The following FGF14 variants were observed in gnomAD, a reference collection of about 807,000 sequenced individuals.
The protein encoded by FGF14 is fibroblast growth factor 14.
In FGF14, 5 loss-of-function variants were observed where a neutral mutation model predicts 25.5. The ratio of observed to expected loss-of-function variants is 0.20; its 90% CI spans 0.10 to 0.41. The LOEUF is 0.41. FGF14 is among the 10% of genes least tolerant of loss of function. The pLI, the probability that FGF14 is intolerant of heterozygous loss-of-function variation, is 1.00. For missense variants in FGF14, 222 were observed against 320.1 expected, an observed-to-expected ratio of 0.69 and a Z score of 2.34; for synonymous variants, 138 against 118.3, an observed-to-expected ratio of 1.17 and a Z score of -1.08.
At chr13:102,296,520 A>C (rs2054721744) in intron 1 of FGF14, among the ~76,000 whole-genome samples, 1 of 152,178 alleles carries the variant, frequency 6.6e-6, no homozygotes, top group East Asian at 1.9e-4. Context: ...TGCTAAGTGC[A>C]CTTAAGAGTA....
At chr13:101,834,929 T>C (rs2042849484) in intron 3 of FGF14, among the ~76,000 whole-genome samples, 1 of 152,104 alleles carries the variant, frequency 6.6e-6, no homozygotes, top group African/African-American at 2.4e-5. Flanking sequence ...ATATTACTTA[T>C]ATTTACAGGC....
At chr13:102,121,253 T>C (rs1353266701) in intron 1 of FGF14, among the ~76,000 whole-genome samples, 1 of 152,088 alleles carries the variant, frequency 6.6e-6, no homozygotes, top group Non-Finnish European at 1.5e-5. Flanking sequence ...GTCAGGAATC[T>C]TACTGTGGGG....
At chr13:101,768,810 A>G (rs567820527) in intron 3 of FGF14, among the ~76,000 whole-genome samples, 1 of 152,304 alleles carries the variant, frequency 6.6e-6, no homozygotes, top group Non-Finnish European at 1.5e-5. Context: ...CCTTCATAAC[A>G]TTAACTTAAA....
intron 1 of FGF14, among the ~76,000 whole-genome samples, chr13:102,276,331 ACG>A (rs2053540293): frequency 3.2e-5 from 2 of 63,468 alleles, no homozygotes; most frequent in African/African-American, 1.5e-4. Context: ...ACACACACGT[ACG>A]TGTGTGTGTG....
intron 1 of FGF14, among the ~76,000 whole-genome samples, chr13:102,052,278 T>G (rs1195331719): frequency 6.6e-6 from 1 of 152,084 alleles, no homozygotes; most frequent in Non-Finnish European, 1.5e-5. Context: ...AGAGCAAATG[T>G]TTGAGTCCTG....
intron 3 of FGF14, among the ~76,000 whole-genome samples, chr13:101,780,197 C>A (rs1051689324): frequency 6.6e-6 from 1 of 152,104 alleles, no homozygotes; most frequent in Non-Finnish European, 1.5e-5. Context: ...AGGTTCCCCA[C>A]TTGTTGGATT....
intron 1 of FGF14, among the ~76,000 whole-genome samples, chr13:102,037,766 C>G (rs1451816543): frequency 6.6e-6 from 1 of 152,128 alleles, no homozygotes; most frequent in Non-Finnish European, 1.5e-5. Flanking sequence ...CGTTGCAGAC[C>G]AGTATCCAAG....
At chr13:101,760,779 C>A (rs1056876400) in intron 3 of FGF14, among the ~76,000 whole-genome samples, 1 of 152,176 alleles carries the variant, frequency 6.6e-6, no homozygotes, top group Non-Finnish European at 1.5e-5. Flanking sequence ...TTTTCTCTTC[C>A]CAATACCCAC....
At chr13:101,793,973 C>T (rs1490055506) in intron 3 of FGF14, among the ~76,000 whole-genome samples, 1 of 151,910 alleles carries the variant, frequency 6.6e-6, no homozygotes. Context: ...AGGTAAATAC[C>T]TTCAGGGAGA....
intron 1 of FGF14, among the ~76,000 whole-genome samples, chr13:101,944,351 A>G (rs1252617412): frequency 6.6e-6 from 1 of 152,072 alleles, no homozygotes; most frequent in Non-Finnish European, 1.5e-5. Flanking sequence ...AAGTATTTAC[A>G]TATTATTTTT....
At chr13:101,936,369 A>G (rs866949090) in intron 1 of FGF14, among the ~76,000 whole-genome samples, 2 of 152,316 alleles carry the variant, frequency 1.3e-5, no homozygotes, top group Middle Eastern at 3.4e-3. Flanking sequence ...CAGGTGCCCT[A>G]AAGTCCATAC....
intron 1 of FGF14, chr13:102,366,618 C>CAAAAAAA (rs57953786): frequency 8.5e-5 from 4 of 46,784 alleles, no homozygotes; most frequent in African/African-American, 2.1e-4. Context: ...ATTCTCCTTG[C>CAAAAAAA]AAAAAAAAAA....
intron 1 of FGF14, among the ~76,000 whole-genome samples, chr13:102,216,843 ATTCTATT>A (rs999728652): frequency 5.9e-5 from 9 of 152,092 alleles, no homozygotes; most frequent in Non-Finnish European, 1.2e-4. Context: ...AGCAATCACA[ATTCTATT>A]TTCTAAGTCA....
chr13:101,918,608 G>C (rs527237578), upstream of FGF14, among the ~76,000 whole-genome samples: 1 of 152,178 alleles, frequency 6.6e-6, no homozygotes, highest in Non-Finnish European at 1.5e-5. Flanking sequence ...AGGCAACTGG[G>C]GGGAAGTGCA....
intron 1 of FGF14, among the ~76,000 whole-genome samples, chr13:101,909,856 T>C (rs1175233024): frequency 6.6e-6 from 1 of 152,092 alleles, no homozygotes; most frequent in Admixed American, 6.6e-5. Flanking sequence ...TGTCCAACAA[T>C]GATAGACTGG....
chr13:102,385,699 T>C (rs2058285761), intron 1 of FGF14, among the ~76,000 whole-genome samples: 1 of 152,148 alleles, frequency 6.6e-6, no homozygotes, highest in South Asian at 2.1e-4. Flanking sequence ...TTAATATCAA[T>C]CCTTTCTGAG....
chr13:101,768,415 A>G (rs556230631), intron 3 of FGF14, among the ~76,000 whole-genome samples: 9 of 152,260 alleles, frequency 5.9e-5, no homozygotes, highest in Admixed American at 3.3e-4. Flanking sequence ...TATAGATTCA[A>G]TTCAATCCCA....
At chr13:102,358,786 A>G (rs1174693614) in intron 1 of FGF14, among the ~76,000 whole-genome samples, 1 of 152,228 alleles carries the variant, frequency 6.6e-6, no homozygotes, top group South Asian at 2.1e-4. Context: ...GATTAACTCT[A>G]TAATGAATGG....
At chr13:101,923,931 G>A (rs1023522269) in intron 1 of FGF14, among the ~76,000 whole-genome samples, 6 of 152,068 alleles carry the variant, frequency 3.9e-5, no homozygotes, top group African/African-American at 1.4e-4. Context: ...TTTTAATCCA[G>A]CTAATACGTT....
Sources: gnomAD v4.1 joint callset for allele counts (sites outside exome capture counted in the v4.1 genomes callset) on GRCh38, gnomAD v4.1.1 for gene constraint, MANE v1.5 for transcripts, NCBI Gene and HGNC (gene_info 2026-07-23, HGNC 2026-07-21) for gene names.